ABCA13: variants seen among roughly 807,000 people sequenced by gnomAD.
ABCA13 encodes the protein ATP-binding cassette sub-family A member 13.
A neutral mutation model predicts 478.7 loss-of-function variants in ABCA13; 476 were observed. That is an observed-to-expected ratio of 0.99 (90% CI 0.92 to 1.07). The LOEUF is 1.07. Among genes scored for constraint, ABCA13 ranks in the 50% least tolerant of loss-of-function variants. ABCA13 has a pLI of 0.00. For missense variants in ABCA13, 6,060 were observed against 5,910.6 expected (o/e 1.03, Z -0.83); for synonymous variants, 2,252 against 2,158.9 (o/e 1.04, Z -1.20).
chr7:48,510,723 G>C (rs1389601557), intron 50 of ABCA13, among the ~76,000 whole-genome samples: 1 of 152,130 alleles, frequency 6.6e-6, no homozygotes, highest in African/African-American at 2.4e-5. Flanking sequence ...TCCTCTCCCT[G>C]TGTCCTCACA....
intron 55 of ABCA13, among the ~76,000 whole-genome samples, chr7:48,531,879 TA>T (rs1833263174): frequency 6.6e-6 from 1 of 151,892 alleles, no homozygotes; most frequent in South Asian, 2.1e-4. Context: ...ATTTATTTAC[TA>T]GTTCTAGGAG....
At chr7:48,309,624 G>A (rs1801451995) in intron 23 of ABCA13, among the ~76,000 whole-genome samples, 1 of 152,108 alleles carries the variant, frequency 6.6e-6, no homozygotes, top group Admixed American at 6.5e-5. Flanking sequence ...TACGGGGGTG[G>A]CATCGGAGGG....
intron 55 of ABCA13, among the ~76,000 whole-genome samples, chr7:48,558,212 ACTTTCTCTTTCC>A (rs71006568): frequency 0.08 from 7,128 of 89,200 alleles, 191 homozygotes; most frequent in African/African-American, 0.13. Context: ...TCTCCCTTTC[ACTTTCTCTTTCC>A]CTTTCTCTTT....
chr7:48,573,699 A>T (rs116619644), intron 55 of ABCA13, among the ~76,000 whole-genome samples: 2 of 152,094 alleles, frequency 1.3e-5, no homozygotes, highest in African/African-American at 4.8e-5. Flanking sequence ...GTACCACTGC[A>T]CTCCAAGCTC....
At chr7:48,234,253 G>C in intron 8 of ABCA13, 102 bp downstream of exon 8, 1 of 1,536,942 alleles carries the variant, frequency 6.5e-7, no homozygotes, top group Non-Finnish European at 9.0e-7. Flanking sequence ...GGGAGAGGCA[G>C]CCAGACAGGA....
In ABCA13 at chr7:48,643,372, T is replaced by C. The variant is rs750698475; in HGVS notation, c.14922T>C (p.Tyr4974=). ...HCTVSDHLKL[Y]FPGIQFKGQH... is the part of the protein sequence containing the mutation. Reference sequence around the variant, plus strand: ...CTGTTTCTGACCACTTGAAGCTTTATTTTCCAGGAATTCAGTTCAAGGTAG... The same window carrying C: ...CTGTTTCTGACCACTTGAAGCTTTACTTTCCAGGAATTCAGTTCAAGGTAG... The change falls in exon 60 of 62, where the codon TAT becomes TAC. Residue 4974 remains tyrosine, a synonymous_variant. Transcript: ENST00000435803. The C allele has an allele frequency of 5.9e-5, 96 of 1,613,508 alleles. No homozygotes were observed. The highest frequency in any genetic ancestry group is 8.1e-5 in the Non-Finnish European group (95 of 1,179,616).
intron 59 of ABCA13, among the ~76,000 whole-genome samples, chr7:48,639,606 T>A (rs1294923600): frequency 6.6e-6 from 1 of 152,208 alleles, no homozygotes; most frequent in Non-Finnish European, 1.5e-5. Context: ...TACTCAGATA[T>A]GTGTAGGGAA....
At chr7:48,202,014 C>T (rs758408381) in intron 3 of ABCA13, among the ~76,000 whole-genome samples, 2 of 151,654 alleles carry the variant, frequency 1.3e-5, no homozygotes, top group South Asian at 2.1e-4. Context: ...TTGTTCCTCC[C>T]GGTGGGCTCG....
intron 42 of ABCA13, among the ~76,000 whole-genome samples, chr7:48,450,972 C>CTT (rs11423408): frequency 0.011 from 1,574 of 139,670 alleles, 32 homozygotes; most frequent in African/African-American, 0.039. Flanking sequence ...TTATTATATT[C>CTT]TTTTTTTTTT....
intron 53 of ABCA13, among the ~76,000 whole-genome samples, chr7:48,521,770 TGTTACCCACAGTAAAGA>T (rs1832560125): frequency 6.6e-6 from 1 of 152,184 alleles, no homozygotes; most frequent in Non-Finnish European, 1.5e-5. Flanking sequence ...ATAATATCCT[TGTTACCCACAGTAAAGA>T]GTCAATTTTT....
At chr7:48,631,439 C>A (rs1312069461) in intron 59 of ABCA13, among the ~76,000 whole-genome samples, 1 of 151,966 alleles carries the variant, frequency 6.6e-6, no homozygotes, top group South Asian at 2.1e-4. Flanking sequence ...TTTTTGTCAG[C>A]TTTGCTAAAG....
In ABCA13 at chr7:48,598,964, T is replaced by C. The variant is rs567067224; in HGVS notation, c.14744+4151T>C. Among the ~76,000 whole-genome samples the C allele has an allele frequency of 2.0e-5, 3 of 152,168 alleles. No individual in the cohort carries two copies. The South Asian group carries it at 6.2e-4, about 32-fold the overall frequency. The stretch of plus-strand genomic sequence containing the variant: ...GATTATCTTTTATCCCACTGAATTG[T>C]CATAGCACCTTTATTATATTATTTA... On this transcript the variant is annotated intron_variant, in intron 58 of 61. Transcript: ENST00000435803.
intron 37 of ABCA13, among the ~76,000 whole-genome samples, chr7:48,391,570 C>T (rs1375134925): frequency 6.6e-6 from 1 of 152,190 alleles, no homozygotes; most frequent in Non-Finnish European, 1.5e-5. Flanking sequence ...TTTGGGTACA[C>T]TTAAGGTAGG....
intron 27 of ABCA13, among the ~76,000 whole-genome samples, chr7:48,320,258 G>C (rs922578953): frequency 1.3e-5 from 2 of 152,188 alleles, no homozygotes; most frequent in African/African-American, 4.8e-5. Flanking sequence ...TGCAGCAACA[G>C]GGAGAAAATA....
intron 8 of ABCA13, among the ~76,000 whole-genome samples, chr7:48,237,649 T>C (rs1367557905): frequency 6.6e-6 from 1 of 152,214 alleles, no homozygotes; most frequent in Non-Finnish European, 1.5e-5. Flanking sequence ...ACCCTGTCAC[T>C]CTCTGGGCCT....
intron 15 of ABCA13, among the ~76,000 whole-genome samples, 161 bp from the exon 16 acceptor site, chr7:48,268,807 TCTTGTCTGGAAG>T (rs1364053260): frequency 1.3e-5 from 2 of 151,520 alleles, no homozygotes; most frequent in African/African-American, 4.8e-5. Flanking sequence ...TGGTACCTCA[TCTTGTCTGGAAG>T]CACAAGTCAA....
chr7:48,539,366 C>T (rs1250914393), intron 55 of ABCA13, among the ~76,000 whole-genome samples: 1 of 151,056 alleles, frequency 6.6e-6, no homozygotes, highest in Admixed American at 6.6e-5. Flanking sequence ...TAGGTGAATT[C>T]ATCCATTGCA....
chr7:48,286,158 T>C (rs1283699229), intron 19 of ABCA13, among the ~76,000 whole-genome samples: 3 of 152,186 alleles, frequency 2.0e-5, no homozygotes, highest in Non-Finnish European at 4.4e-5. Context: ...TTTGTTACAA[T>C]TGATGAACCC....
chr7:48,568,686 A>G (rs1188465811), intron 55 of ABCA13, among the ~76,000 whole-genome samples: 2 of 151,950 alleles, frequency 1.3e-5, no homozygotes, highest in African/African-American at 4.8e-5. Context: ...ATTAGTATTA[A>G]TCCATTTTTA....
Sources: gnomAD v4.1 joint callset for allele counts (sites outside exome capture counted in the v4.1 genomes callset) on GRCh38, gnomAD v4.1.1 for gene constraint, MANE v1.5 for transcripts, NCBI Gene and HGNC (gene_info 2026-07-23, HGNC 2026-07-21) for gene names.